Variants in SDK1 observed in about 807,000 individuals in gnomAD.
SDK1 encodes sidekick cell adhesion molecule 1.
Under a neutral mutation model 245.5 loss-of-function variants are expected in SDK1, and 157 were observed. That is an observed-to-expected ratio of 0.64 (90% CI 0.56 to 0.73). The LOEUF (loss-of-function observed/expected upper bound fraction) is 0.73, where lower values mean the gene tolerates loss of function less well. SDK1 is among the 30% of genes least tolerant of loss of function. The pLI, the probability that SDK1 is intolerant of heterozygous loss-of-function variation, is 0.00. For missense variants in SDK1, 3,583 were observed against 3,002.3 expected (o/e 1.19, Z -4.52); for synonymous variants, 1,647 against 1,278.5 (o/e 1.29, Z -6.15).
chr7:3,483,500 T>C (rs887330734), intron 1 of SDK1, among the ~76,000 whole-genome samples: 11 of 152,328 alleles, frequency 7.2e-5, no homozygotes, highest in African/African-American at 2.4e-4. Context: ...TCATATTGTT[T>C]GTAAATTGTG....
At chr7:4,112,126 T>C (rs912070019) in intron 23 of SDK1, among the ~76,000 whole-genome samples, 4 of 152,214 alleles carry the variant, frequency 2.6e-5, no homozygotes, top group Admixed American at 2.6e-4. Flanking sequence ...AGCTTGCTTT[T>C]ATACATTTTA....
chr7:3,656,182 A>G (rs1233132581), intron 4 of SDK1, among the ~76,000 whole-genome samples: 1 of 152,168 alleles, frequency 6.6e-6, no homozygotes, highest in South Asian at 2.1e-4. Flanking sequence ...TTGTAAGTAG[A>G]TATGCCCCCT....
chr7:3,500,792 A>T (rs925612330), intron 1 of SDK1, among the ~76,000 whole-genome samples: 6 of 151,474 alleles, frequency 4.0e-5, no homozygotes, highest in South Asian at 2.1e-4. Context: ...TTTGCCTCCT[A>T]TACTAGTCCT....
At chr7:4,247,505 C>T (rs1012467881) in intron 44 of SDK1, among the ~76,000 whole-genome samples, 5 of 152,228 alleles carry the variant, frequency 3.3e-5, no homozygotes, top group East Asian at 3.8e-4. Flanking sequence ...GCTGCATGTA[C>T]GAAAGCAGCA....
chr7:3,304,227 C>T (rs1779357958), intron 1 of SDK1, among the ~76,000 whole-genome samples: 1 of 152,186 alleles, frequency 6.6e-6, no homozygotes, highest in Admixed American at 6.5e-5. Context: ...GTTGTATGCT[C>T]TGCTTATTGC....
intron 5 of SDK1, among the ~76,000 whole-genome samples, chr7:3,842,247 A>G (rs1344977762): frequency 6.6e-6 from 1 of 152,184 alleles, no homozygotes; most frequent in East Asian, 1.9e-4. Flanking sequence ...TTGTGGAGTT[A>G]TCCTTCCTCT....
chr7:4,130,428 A>T (rs765801554), intron 27 of SDK1: 2 of 327,086 alleles, frequency 6.1e-6, no homozygotes, highest in Non-Finnish European at 1.1e-5. Flanking sequence ...GGGGCTCCAC[A>T]CACTTCGTGT....
intron 5 of SDK1, among the ~76,000 whole-genome samples, chr7:3,825,793 A>G (rs1779760312): frequency 6.6e-6 from 1 of 151,980 alleles, no homozygotes; most frequent in Non-Finnish European, 1.5e-5. Flanking sequence ...ACTCTCTCCT[A>G]TTTTCCTTGT....
rs1307391012 is a variant in SDK1, at chr7:3,582,034, T to TCTCAGGTAGGTCTCC, written c.299-37035_299-37021dup. Among the ~76,000 whole-genome samples, 7 of 145,594 alleles carry TCTCAGGTAGGTCTCC rather than the reference T, an allele frequency of 4.8e-5. 2 individuals carry two copies. The highest frequency in any genetic ancestry group is 1.4e-4 in the Admixed American group (2 of 14,368). ...GGTAGGCCTGTCTCAGGTAGATCTG[T>TCTCAGGTAGGTCTCC]CTCAGGTAGGTCTCCCTCAGGTAGG... is the stretch of plus-strand genomic sequence containing the variant. On this transcript the variant is annotated intron_variant, in intron 1 of 44. Transcript: ENST00000404826.
chr7:3,406,813 A>G (rs1779067052), intron 1 of SDK1, among the ~76,000 whole-genome samples: 2 of 152,224 alleles, frequency 1.3e-5, no homozygotes, highest in South Asian at 2.1e-4. Flanking sequence ...GTATACATCC[A>G]TATACACAAA....
intron 4 of SDK1, among the ~76,000 whole-genome samples, chr7:3,721,466 A>G (rs932169737): frequency 6.6e-6 from 1 of 152,218 alleles, no homozygotes; most frequent in Non-Finnish European, 1.5e-5. Flanking sequence ...TAAAGACAAT[A>G]TGAATGAGAG....
At chr7:3,957,090 A>C (rs1781329451) in intron 7 of SDK1, among the ~76,000 whole-genome samples, 1 of 151,914 alleles carries the variant, frequency 6.6e-6, no homozygotes, top group East Asian at 1.9e-4. Context: ...CAAAAGTTAC[A>C]CTCGATGACC....
At chr7:3,912,378 G>A (rs1182868992) in intron 5 of SDK1, among the ~76,000 whole-genome samples, 1 of 152,200 alleles carries the variant, frequency 6.6e-6, no homozygotes, top group Non-Finnish European at 1.5e-5. Context: ...CACGGTAACT[G>A]GTGCACAGTA....
At chr7:3,637,694 C>T (rs1043706755) in intron 2 of SDK1, among the ~76,000 whole-genome samples, 1 of 152,146 alleles carries the variant, frequency 6.6e-6, no homozygotes, top group Non-Finnish European at 1.5e-5. Context: ...AAAATTTAGA[C>T]AGGCATGGAT....
At chr7:3,789,261 C>A (rs761341468) in intron 4 of SDK1, among the ~76,000 whole-genome samples, 1 of 152,168 alleles carries the variant, frequency 6.6e-6, no homozygotes, top group Non-Finnish European at 1.5e-5. Flanking sequence ...GATTCTCCTG[C>A]CTCAGCCTCC....
intron 13 of SDK1, among the ~76,000 whole-genome samples, chr7:3,979,480 T>TG (rs2128136277): frequency 6.6e-6 from 1 of 152,220 alleles, no homozygotes; most frequent in African/African-American, 2.4e-5. Context: ...CCTGGACCAG[T>TG]GCCAGGTATA....
Position 4,087,318 on chromosome 7 carries a change from C to T in SDK1, c.3324+7734C>T, listed in dbSNP as rs140079352. Among the ~76,000 whole-genome samples, 1,382 of 152,166 alleles carry T rather than the reference C, an allele frequency of 9.1e-3. 30 individuals are homozygous for T. The highest frequency in any genetic ancestry group is 0.032 in the African/African-American group (1,321 of 41,492). On this transcript the variant is annotated intron_variant, in intron 22 of 44. Transcript: ENST00000404826. ...TGATTTGTAACATTAAATTCTCATA[C>T]GCACTTTGGTCTATTTCTGAACTTT...
chr7:3,593,719 C>T (rs1184213883), intron 1 of SDK1, among the ~76,000 whole-genome samples: 1 of 152,040 alleles, frequency 6.6e-6, no homozygotes. Flanking sequence ...TGGCCACTGG[C>T]GACACCCCCA....
At chr7:3,857,845 A>G (rs777714104) in intron 5 of SDK1, among the ~76,000 whole-genome samples, 14 of 152,228 alleles carry the variant, frequency 9.2e-5, no homozygotes, top group Non-Finnish European at 1.9e-4. Context: ...AAATAGGAAC[A>G]TACCATTCAC....
Sources: allele counts gnomAD v4.1 joint callset (sites outside exome capture counted in the v4.1 genomes callset), GRCh38; gene constraint gnomAD v4.1.1; transcripts MANE v1.5; gene names NCBI Gene and HGNC (gene_info 2026-07-23, HGNC 2026-07-21).